Variants in PDZD2 observed in about 807,000 individuals in gnomAD.
The protein encoded by PDZD2 is PDZ domain containing 2.
In PDZD2, 90 loss-of-function variants were observed where a neutral mutation model predicts 220.7. The observed-to-expected ratio is 0.41, with a 90% CI of 0.34 to 0.49. PDZD2 has a LOEUF of 0.49. Ranked by LOEUF, PDZD2 falls within the 20% of genes least tolerant of loss-of-function variation. The pLI, the probability that PDZD2 is intolerant of heterozygous loss-of-function variation, is 0.28. For synonymous variants in PDZD2, 1,375 were observed against 1,450.5 expected (o/e 0.95, Z 1.18); for missense variants, 3,174 against 3,608.5 (o/e 0.88, Z 3.08).
At chr5:31,654,055 A>T (rs1431861174) in intron 1 of PDZD2, among the ~76,000 whole-genome samples, 2 of 152,168 alleles carry the variant, frequency 1.3e-5, no homozygotes, top group Non-Finnish European at 2.9e-5. Context: ...AAGTGCTGGG[A>T]TTACAGGCGT....
chr5:31,676,803 C>CTGATG (rs1746445342), intron 1 of PDZD2, among the ~76,000 whole-genome samples: 1 of 152,002 alleles, frequency 6.6e-6, no homozygotes, highest in Non-Finnish European at 1.5e-5. Context: ...ATCTGCCCGC[C>CTGATG]TCGGCCTCCC....
chr5:32,008,833 C>G (rs1753058048), intron 5 of PDZD2, among the ~76,000 whole-genome samples: 1 of 152,088 alleles, frequency 6.6e-6, no homozygotes, highest in Non-Finnish European at 1.5e-5. Context: ...CTGAGATGAC[C>G]CAGGTGGGCT....
chr5:31,640,273 C>T (rs1288820702), intron 1 of PDZD2, among the ~76,000 whole-genome samples: 3 of 152,178 alleles, frequency 2.0e-5, no homozygotes, highest in African/African-American at 4.8e-5. Context: ...TGATAAGGGA[C>T]ACTGGAGTGG....
intron 1 of PDZD2, among the ~76,000 whole-genome samples, chr5:31,718,131 A>G (rs1233511821): frequency 6.6e-6 from 1 of 152,204 alleles, no homozygotes; most frequent in East Asian, 1.9e-4. Flanking sequence ...AGAGGAAGGA[A>G]GGTAAGACGC....
intron 2 of PDZD2, among the ~76,000 whole-genome samples, chr5:31,851,907 A>C (rs769800799): frequency 2.6e-5 from 4 of 152,040 alleles, no homozygotes; most frequent in Non-Finnish European, 5.9e-5. Context: ...CCCAGGCTGA[A>C]GTGCAGTGGT....
chr5:31,717,541 T>C (rs576680660), intron 1 of PDZD2, among the ~76,000 whole-genome samples: 2 of 151,448 alleles, frequency 1.3e-5, no homozygotes, highest in East Asian at 3.9e-4. Flanking sequence ...TGTCCCTGCC[T>C]CCCTCCCCCT....
At position 32,098,551 on chromosome 5, in the gene PDZD2, G is replaced by A; in HGVS notation, c.8135G>A (p.Arg2712Lys). The A allele has an allele frequency of 2.5e-6, 4 of 1,614,188 alleles. No individual in the cohort carries two copies. The highest frequency in any genetic ancestry group is 3.4e-6 in the Non-Finnish European group (4 of 1,180,008). The change falls in exon 23 of 25, where the codon AGG (arginine) becomes AAG (lysine). Residue 2712 changes from arginine to lysine, a missense_variant. By Grantham distance (26) the Arg-to-Lys change is conservative. Transcript: ENST00000438447. This position sits in a 1 kb window ranked among gnomAD's most constrained non-coding sequence, Gnocchi z 4.1. ...VVIKKGMDQP[R>K]PSARQEPPTA... Reference sequence around the variant, plus strand: ...ATCAAGAAAGGGATGGATCAGCCCAGGCCCTCTGCCCGGCAGGAGCCTCCC... The same window carrying A: ...ATCAAGAAAGGGATGGATCAGCCCAAGCCCTCTGCCCGGCAGGAGCCTCCC...
At position 32,000,076 on chromosome 5, in the gene PDZD2, A is replaced by G. The variant is rs1234424149; in HGVS notation, c.1122-63A>G. ...TCACAACCCTCCCTAGCTCCAGAAA[A>G]TGGCCCTTCTCAGGCCCAGAATGTC... On this transcript the variant is annotated intron_variant, in intron 4 of 24. Coordinates refer to ENST00000438447, the MANE Select transcript of PDZD2 (RefSeq NM_178140.4). This position sits in a 1 kb window ranked among gnomAD's most constrained non-coding sequence, Gnocchi z 4.5. The G allele has an allele frequency of 5.4e-6, 8 of 1,492,294 alleles. No individual in the cohort carries two copies. The highest frequency in any genetic ancestry group is 2.3e-5 in the East Asian group (1 of 43,888). The allele number at this position is 1,492,294 out of a possible 1,614,324, so 92.4% of individuals were successfully genotyped here.
At position 31,983,739 on chromosome 5, in the gene PDZD2, A is replaced by G. The variant is rs1214550139; in HGVS notation, c.978+83A>G. 2.9e-6 allele frequency: 4 copies of G among 1,371,676 alleles called. No individual in the cohort carries two copies. The African/African-American group carries it at 4.3e-5, about 15-fold the overall frequency. 85.0% of individuals were successfully genotyped at this position (1,371,676 alleles called of 1,614,324 possible). A position where few individuals can be genotyped will look rare whatever the true frequency, so the allele number is the denominator to read the frequency against. ...TTTTGCAGCCCAGCCCATGCGGGAA[A>G]TACAAGCTGGGCTCAGAACCAGAAT... On this transcript the variant is annotated intron_variant, in intron 3 of 24. Coordinates refer to ENST00000438447, the MANE Select transcript of PDZD2 (RefSeq NM_178140.4).
chr5:31,798,714 C>T (rs955444681), intron 1 of PDZD2, among the ~76,000 whole-genome samples, 175 bp from the exon 2 acceptor site: 1 of 152,148 alleles, frequency 6.6e-6, no homozygotes, highest in Non-Finnish European at 1.5e-5. Context: ...AAGGGAGTGT[C>T]CATACAGCAT....
chr5:32,029,355 CT>C (rs1754950879), intron 6 of PDZD2, among the ~76,000 whole-genome samples: 1 of 60,006 alleles, frequency 1.7e-5, no homozygotes, highest in East Asian at 3.9e-4. Flanking sequence ...AAAAAAAAAG[CT>C]TTTCCACTAT....
intron 1 of PDZD2, among the ~76,000 whole-genome samples, chr5:31,698,606 A>AG (rs1747480464): frequency 6.6e-6 from 1 of 151,864 alleles, no homozygotes; most frequent in African/African-American, 2.4e-5. Context: ...CTCAAAAAAA[A>AG]AAAAAAAGAA....
intron 1 of PDZD2, among the ~76,000 whole-genome samples, chr5:31,714,240 A>G (rs1020133666): frequency 6.6e-6 from 1 of 152,228 alleles, no homozygotes; most frequent in African/African-American, 2.4e-5. Context: ...CTAGGGCTGA[A>G]GCAGAACTGT....
intron 20 of PDZD2, among the ~76,000 whole-genome samples, chr5:32,091,668 C>T (rs1743175410): frequency 6.6e-6 from 1 of 152,184 alleles, no homozygotes; most frequent in South Asian, 2.1e-4. Context: ...TGGAGCAATA[C>T]CATTAACTAC....
chr5:31,998,163 A>G (rs912290343), intron 4 of PDZD2, among the ~76,000 whole-genome samples: 1 of 152,100 alleles, frequency 6.6e-6, no homozygotes, highest in Non-Finnish European at 1.5e-5. Flanking sequence ...GGTCTGAACC[A>G]TTGTGTTCTT....
intron 2 of PDZD2, among the ~76,000 whole-genome samples, chr5:31,885,676 C>T (rs1263603237): frequency 1.3e-5 from 2 of 152,208 alleles, no homozygotes. Flanking sequence ...AATAATAAAA[C>T]ATATCACTAA....
chr5:32,032,282 CTG>C (rs1755183558), intron 6 of PDZD2, among the ~76,000 whole-genome samples: 1 of 152,190 alleles, frequency 6.6e-6, no homozygotes, highest in South Asian at 2.1e-4. Context: ...AGCCTGGTCT[CTG>C]TGTTCTTTGT....
At chr5:31,686,370 T>C (rs1407893314) in intron 1 of PDZD2, among the ~76,000 whole-genome samples, 2 of 151,952 alleles carry the variant, frequency 1.3e-5, no homozygotes, top group East Asian at 3.8e-4. Context: ...AGTTTTCTTT[T>C]TTTTTTCTTT....
chr5:31,726,357 T>C (rs1749139591), intron 1 of PDZD2, among the ~76,000 whole-genome samples: 1 of 152,176 alleles, frequency 6.6e-6, no homozygotes, highest in Non-Finnish European at 1.5e-5. Context: ...GGTGAAACCC[T>C]GTCTCTCCTA....
Sources: allele counts gnomAD v4.1 joint callset (sites outside exome capture counted in the v4.1 genomes callset), GRCh38; gene constraint gnomAD v4.1.1; non-coding constraint Gnocchi (gnomAD v3.1); transcripts MANE v1.5; gene names NCBI Gene and HGNC (gene_info 2026-07-23, HGNC 2026-07-21).